Variants in ZYG11B observed in about 807,000 individuals in gnomAD.
ZYG11B encodes protein zyg-11 homolog B.
A neutral mutation model predicts 82.4 loss-of-function variants in ZYG11B; 36 were observed. That is an observed-to-expected ratio of 0.44 (90% CI 0.33 to 0.58). The LOEUF is 0.58. ZYG11B is among the 20% of genes least tolerant of loss of function. ZYG11B has a pLI of 0.02. For synonymous variants in ZYG11B, 303 were observed against 312.8 expected (o/e 0.97, Z 0.33); for missense variants, 552 against 895.6 (o/e 0.62, Z 4.90).
chr1:52,783,591 G>A (rs760821751), intron 4 of ZYG11B, among the ~76,000 whole-genome samples: 9 of 149,182 alleles, frequency 6.0e-5, no homozygotes, highest in Non-Finnish European at 1.0e-4. Flanking sequence ...TTTTCTGGTT[G>A]CTTCAGTTTT....
At chr1:52,757,731 G>A (rs1475220319) in intron 2 of ZYG11B, among the ~76,000 whole-genome samples, 4 of 151,790 alleles carry the variant, frequency 2.6e-5, no homozygotes, top group Non-Finnish European at 4.4e-5. Context: ...ACAGTAGGAG[G>A]ATTATTACTG....
intron 1 of ZYG11B, among the ~76,000 whole-genome samples, chr1:52,742,001 T>C (rs1257122755): frequency 6.6e-6 from 1 of 152,200 alleles, no homozygotes; most frequent in Non-Finnish European, 1.5e-5. Flanking sequence ...TATCATTAAA[T>C]TGTCGAGTTT....
chr1:52,773,584 G>T, intron 3 of ZYG11B, among the ~76,000 whole-genome samples: 1 of 91,820 alleles, frequency 1.1e-5, no homozygotes, highest in Non-Finnish European at 2.0e-5. Flanking sequence ...ACCTTTTATA[G>T]ATGTATGCTT....
intron 1 of ZYG11B, among the ~76,000 whole-genome samples, chr1:52,736,567 C>T (rs1250346537): frequency 6.6e-6 from 1 of 152,138 alleles, no homozygotes; most frequent in Non-Finnish European, 1.5e-5. Context: ...ATTCTCCTGC[C>T]TCAGCCTCCT....
intron 1 of ZYG11B, among the ~76,000 whole-genome samples, chr1:52,748,956 T>A (rs1644499248): frequency 6.6e-6 from 1 of 151,168 alleles, no homozygotes; most frequent in East Asian, 1.9e-4. Flanking sequence ...ATCCCAGCAC[T>A]TTGGGAGGCT....
At chr1:52,819,630 AC>A (rs1395403310) in intron 13 of ZYG11B, among the ~76,000 whole-genome samples, 3 of 151,888 alleles carry the variant, frequency 2.0e-5, no homozygotes, top group Non-Finnish European at 4.4e-5. Flanking sequence ...TACTAAAAAT[AC>A]AAAAAATTAG....
chr1:52,749,763 G>A (rs1644506209), intron 1 of ZYG11B, among the ~76,000 whole-genome samples: 1 of 152,128 alleles, frequency 6.6e-6, no homozygotes, highest in Non-Finnish European at 1.5e-5. Context: ...ATGTTGGCCA[G>A]GCTTGTCTTG....
chr1:52,741,322 AAAG>A (rs1403802982), intron 1 of ZYG11B, among the ~76,000 whole-genome samples: 1 of 147,794 alleles, frequency 6.8e-6, no homozygotes, highest in Non-Finnish European at 1.5e-5. Flanking sequence ...AAAAAAAAGA[AAAG>A]AAAAGAAAGT....
chr1:52,779,709 C>T (rs1644839318), intron 3 of ZYG11B, 144 bp from the exon 4 acceptor site: 9 of 935,650 alleles, frequency 9.6e-6, no homozygotes, highest in South Asian at 3.8e-5. Context: ...AGGGTGGTCT[C>T]GAACTCCTGA....
intron 1 of ZYG11B, among the ~76,000 whole-genome samples, chr1:52,745,938 G>GGGGA (rs1043069992): frequency 1.3e-5 from 2 of 150,786 alleles, no homozygotes; most frequent in African/African-American, 4.9e-5. Context: ...GTGCAAACAA[G>GGGGA]GGGAGAATCG....
At chr1:52,726,823 G>T (rs1644288294) in intron 1 of ZYG11B, 140 bp downstream of exon 1, 2 of 783,274 alleles carry the variant, frequency 2.6e-6, no homozygotes, top group African/African-American at 3.7e-5. Flanking sequence ...CCTCGTTACC[G>T]CCCCCTCGGT....
chr1:52,742,802 A>C (rs1465104987), intron 1 of ZYG11B, among the ~76,000 whole-genome samples: 33 of 151,352 alleles, frequency 2.2e-4, no homozygotes, highest in African/African-American at 6.5e-4. Context: ...AGATCGTGCC[A>C]CTGCACTCCA....
chr1:52,806,403 T>C (rs1398423130), intron 10 of ZYG11B, among the ~76,000 whole-genome samples: 1 of 152,218 alleles, frequency 6.6e-6, no homozygotes, highest in Non-Finnish European at 1.5e-5. Flanking sequence ...CTATCAATTA[T>C]TGACAAAGGA....
In ZYG11B at chr1:52,821,735, C is replaced by G; in HGVS notation, c.*106C>G. ...TTTTGGGGGTTTCTATGACAAGAGT[C>G]ATAAAATCAGTTTGGGATTGATAAT... On this transcript the variant is annotated 3_prime_UTR_variant, in exon 14 of 14. Coordinates refer to ENST00000294353, the MANE Select transcript of ZYG11B (RefSeq NM_024646.3). The G allele has an allele frequency of 9.2e-7, 1 of 1,087,544 alleles. No homozygotes were observed. Among genetic ancestry groups the G allele is most frequent in the Non-Finnish European group, 1.3e-6 (1 of 764,588 alleles). 67.4% of individuals were successfully genotyped at this position (1,087,544 alleles called of 1,614,324 possible).
chr1:52,784,101 C>T (rs1219219181), intron 4 of ZYG11B, among the ~76,000 whole-genome samples: 1 of 152,070 alleles, frequency 6.6e-6, no homozygotes, highest in African/African-American at 2.4e-5. Flanking sequence ...AAGCAGTTCT[C>T]CTGCTTCAGC....
At chr1:52,788,295 C>T (rs1644930250) in intron 5 of ZYG11B, among the ~76,000 whole-genome samples, 1 of 152,092 alleles carries the variant, frequency 6.6e-6, no homozygotes. Context: ...TCTAGCTGGG[C>T]GGAAATTGAA....
Position 52,820,015 on chromosome 1 carries a change from G to A in ZYG11B, c.2045-1424G>A, listed in dbSNP as rs1265894568. On this transcript the variant is annotated intron_variant, in intron 13 of 13. Transcript: ENST00000294353. The stretch of plus-strand genomic sequence containing the variant: ...CTGCAAGCTCCGCCTCCCACTTCAC[G>A]CCATTCTCCTGCCTCAGCCTTCCAA... Among the ~76,000 whole-genome samples the A allele has an allele frequency of 2.7e-5, 4 of 150,626 alleles. No individual in the cohort carries two copies. The East Asian group carries it at 6.2e-4, about 23-fold the overall frequency.
chr1:52,790,151 TC>T, intron 6 of ZYG11B, 84 bp downstream of exon 6: 1 of 915,524 alleles, frequency 1.1e-6, no homozygotes, highest in Non-Finnish European at 1.6e-6. Flanking sequence ...ATTTAGGATA[TC>T]CCTTTTATAA....
intron 2 of ZYG11B, among the ~76,000 whole-genome samples, chr1:52,765,436 G>A (rs1384952828): frequency 2.6e-5 from 4 of 151,944 alleles, no homozygotes; most frequent in Admixed American, 2.6e-4. Context: ...GAACCCCTGG[G>A]CTCAAAGCAG....
Sources: allele counts gnomAD v4.1 joint callset (sites outside exome capture counted in the v4.1 genomes callset), GRCh38; gene constraint gnomAD v4.1.1; transcripts MANE v1.5; gene names NCBI Gene and HGNC (gene_info 2026-07-23, HGNC 2026-07-21).